The following IL7 variants were observed in gnomAD, a reference collection of about 807,000 sequenced individuals.
IL7 encodes the protein interleukin 7.
In IL7, 3 loss-of-function variants were observed where a neutral mutation model predicts 21.6. The observed-to-expected ratio is 0.14, with a 90% CI of 0.06 to 0.36. The LOEUF is 0.36. IL7 is among the 10% of genes least tolerant of loss of function. IL7 has a pLI of 1.00. For missense variants in IL7, 175 were observed against 200.2 expected, an observed-to-expected ratio of 0.87 and a Z score of 0.76; for synonymous variants, 62 against 68.1, an observed-to-expected ratio of 0.91 and a Z score of 0.44.
Position 78,712,077 on chromosome 8 carries a change from C to A in IL7, n.214+9271G>T. The A allele has an allele frequency of 2.3e-6, 3 of 1,289,422 alleles. 1 individual carries two copies. The South Asian group carries it at 3.7e-5, about 16-fold the overall frequency. The allele number at this position is 1,289,422 out of a possible 1,614,324, so 79.9% of individuals were successfully genotyped here. On this transcript the variant is annotated intron_variant and non_coding_transcript_variant, in intron 3 of 4. Transcript: ENST00000523959. Reference sequence around the variant, plus strand: ...GTGATACAAAATCAGACAGTGCCATCAAAAGACATGAGTTATTACCTATTT... The same window carrying A: ...GTGATACAAAATCAGACAGTGCCATAAAAAGACATGAGTTATTACCTATTT...
Position 78,762,011 on chromosome 8 carries a change from T to C in IL7, c.148-21929A>G, listed in dbSNP as rs1043331304. ...CCCTTCACCCTCTTCTTCGCTGGGG[T>C]TCTGAGCATTGCTATTGTTGGTTTC... On this transcript the variant is annotated intron_variant, in intron 2 of 5. Transcript: ENST00000263851. 14 of 1,602,252 alleles carry C rather than the reference T, an allele frequency of 8.7e-6. No individual in the cohort carries two copies. In the African/African-American group the frequency reaches 1.7e-4, roughly 20 times the overall value.
chr8:78,740,520 C>T (rs1411431961), intron 2 of IL7, among the ~76,000 whole-genome samples: 3 of 152,130 alleles, frequency 2.0e-5, no homozygotes, highest in African/African-American at 7.2e-5. Context: ...CCATACAAAG[C>T]TCAACACATA....
intron 2 of IL7, chr8:78,762,443 C>G: frequency 1.9e-6 from 3 of 1,576,810 alleles, no homozygotes; most frequent in South Asian, 1.1e-5. Context: ...GTCGCCCGCC[C>G]GCCGGCCGGT....
At chr8:78,725,370 A>G (rs1266627652) in intron 3 of IL7, among the ~76,000 whole-genome samples, 2 of 432 alleles carry the variant, frequency 4.6e-3, no homozygotes, top group Non-Finnish European at 9.5e-3. Context: ...CTCCCCTCCA[A>G]GTTTGGAGCT....
downstream of IL7, among the ~76,000 whole-genome samples, chr8:78,716,241 G>A (rs1811097914): frequency 6.6e-6 from 1 of 151,312 alleles, no homozygotes; most frequent in Non-Finnish European, 1.5e-5. Flanking sequence ...TCCTGCCTCA[G>A]CCTCCCGAGT....
At chr8:78,761,477 T>C in intron 2 of IL7, 1 of 1,611,076 alleles carries the variant, frequency 6.2e-7, no homozygotes. Context: ...TAATCCCCAC[T>C]TCTCAGTTAT....
intron 2 of IL7, among the ~76,000 whole-genome samples, chr8:78,749,220 T>C (rs72661350): frequency 6.6e-6 from 1 of 152,294 alleles, no homozygotes; most frequent in Non-Finnish European, 1.5e-5. Context: ...AGTTGCTTAT[T>C]GACTAAGTCA....
chr8:78,678,651 T>C (rs761554974), intron 4 of IL7: 2 of 1,611,474 alleles, frequency 1.2e-6, no homozygotes, highest in Non-Finnish European at 8.5e-7. Context: ...GGAACTGATA[T>C]TCCAACAGTA....
chr8:78,703,013 C>A (rs906020363), intron 3 of IL7, among the ~76,000 whole-genome samples: 1 of 152,130 alleles, frequency 6.6e-6, no homozygotes, highest in Admixed American at 6.5e-5. Context: ...TCTCCTGCCT[C>A]AGCCTCTCGA....
chr8:78,711,897 A>T (rs1438027073), intron 3 of IL7: 3 of 682,062 alleles, frequency 4.4e-6, no homozygotes, highest in Non-Finnish European at 6.7e-6. Flanking sequence ...GGGAGTAGAT[A>T]TCTGATGAAC....
rs535843310 is a variant in IL7 at position 78,770,402 on chromosome 8, G to A, written c.147+27670C>T. Among the ~76,000 whole-genome samples, 39 of 152,080 alleles carry A rather than the reference G, an allele frequency of 2.6e-4. No individual in the cohort carries two copies. The South Asian group carries it at 6.9e-3, about 27-fold the overall frequency. Reference sequence around the variant, plus strand: ...GCTAACCTAATTGTATCCTTTTGTCGACATGTTTCCCCTCTCTTACTGGAA... The same window carrying A: ...GCTAACCTAATTGTATCCTTTTGTCAACATGTTTCCCCTCTCTTACTGGAA... On this transcript the variant is annotated intron_variant, in intron 2 of 5. Transcript: ENST00000263851.
intron 2 of IL7, among the ~76,000 whole-genome samples, chr8:78,789,057 T>C (rs1188794567): frequency 3.3e-5 from 5 of 152,310 alleles, no homozygotes; most frequent in Non-Finnish European, 5.9e-5. Flanking sequence ...TTGATTAGTG[T>C]TAACATAGTG....
At chr8:78,801,857 C>T (rs1390596426) in intron 1 of IL7, among the ~76,000 whole-genome samples, 2 of 152,140 alleles carry the variant, frequency 1.3e-5, no homozygotes, top group Non-Finnish European at 1.5e-5. Context: ...AATGATGTAG[C>T]TTGGTAGTTT....
At chr8:78,682,951 C>T (rs1809835996) in intron 4 of IL7, among the ~76,000 whole-genome samples, 1 of 152,234 alleles carries the variant, frequency 6.6e-6, no homozygotes, top group African/African-American at 2.4e-5. Context: ...TCCATGAGGG[C>T]AGTCATTAAA....
chr8:78,786,391 G>A (rs929576478), intron 2 of IL7, among the ~76,000 whole-genome samples: 2 of 152,156 alleles, frequency 1.3e-5, no homozygotes, highest in Non-Finnish European at 2.9e-5. Context: ...CTTGTATAGG[G>A]CACCTTCCAT....
Position 78,762,034 on chromosome 8 carries a change from T to C in IL7, c.148-21952A>G, listed in dbSNP as rs1586079780. 8.7e-6 allele frequency: 14 copies of C among 1,601,460 alleles called. No individual in the cohort carries two copies. The East Asian group carries it at 3.1e-4, about 36-fold the overall frequency. ...GGTTCTGAGCATTGCTATTGTTGGT[T>C]TCTTTATGTTTTTGTTCCTGCTCAG... On this transcript the variant is annotated intron_variant, in intron 2 of 5. Transcript: ENST00000263851.
chr8:78,691,967 A>G (rs1810227412), intron 3 of IL7, among the ~76,000 whole-genome samples: 1 of 152,170 alleles, frequency 6.6e-6, no homozygotes, highest in African/African-American at 2.4e-5. Flanking sequence ...TGATTCATGG[A>G]TACAATGTGC....
Position 78,687,919 on chromosome 8 carries a change from AAT to A in IL7, n.215-1974_215-1973del, listed in dbSNP as rs1383864277. ...ATTATATATATTTATATAAATATAT[AAT>A]TATTTATATCTATATTTTTATATAT... On this transcript the variant is annotated intron_variant and non_coding_transcript_variant, in intron 3 of 4. Transcript: ENST00000523959. Among the ~76,000 whole-genome samples, 22 of 141,070 alleles carry A rather than the reference AAT, an allele frequency of 1.6e-4. 1 individual carries two copies. The highest frequency in any genetic ancestry group is 1.4e-4 in the Non-Finnish European group (9 of 65,522). 92.5% of individuals were successfully genotyped at this position (141,070 alleles called of 152,430 possible).
chr8:78,717,679 A>G (rs995664978), downstream of IL7: 6 of 413,102 alleles, frequency 1.5e-5, no homozygotes, highest in Non-Finnish European at 2.1e-5. Flanking sequence ...TATACTGTAT[A>G]TAATAAATAT....
Sources: allele counts gnomAD v4.1 joint callset (sites outside exome capture counted in the v4.1 genomes callset), GRCh38; gene constraint gnomAD v4.1.1; transcripts MANE v1.5; gene names NCBI Gene and HGNC (gene_info 2026-07-23, HGNC 2026-07-21).